DTWD2: variants seen among roughly 807,000 people sequenced by gnomAD.
The protein encoded by DTWD2 is tRNA-uridine aminocarboxypropyltransferase 2.
In DTWD2, 39 loss-of-function variants were observed where a neutral mutation model predicts 31.8. The observed-to-expected ratio is 1.22, with a 90% CI of 0.95 to 1.60. The LOEUF is 1.60. DTWD2 is among the 40% of genes most tolerant of loss of function. DTWD2 has a pLI of 0.00. For synonymous variants in DTWD2, 180 were observed against 142.8 expected, an observed-to-expected ratio of 1.26 and a Z score of -1.86; for missense variants, 515 against 381.5, an observed-to-expected ratio of 1.35 and a Z score of -2.92.
chr5:118,977,017 G>A (rs997206272), intron 1 of DTWD2, among the ~76,000 whole-genome samples: 30 of 152,314 alleles, frequency 2.0e-4, no homozygotes, highest in African/African-American at 7.0e-4. Context: ...TACCTGGGAT[G>A]CAAGGCTGGT....
chr5:118,946,678 A>G (rs1362188352), intron 1 of DTWD2, among the ~76,000 whole-genome samples: 1 of 152,038 alleles, frequency 6.6e-6, no homozygotes, highest in Admixed American at 6.5e-5. Context: ...TTTTTTTAAT[A>G]AATCTATTCA....
chr5:118,859,143 G>A (rs997554166), intron 4 of DTWD2, among the ~76,000 whole-genome samples: 11 of 151,526 alleles, frequency 7.3e-5, no homozygotes, highest in African/African-American at 2.7e-4. Context: ...TTCAGCGGAG[G>A]ATTGCATGAC....
At position 118,951,608 on chromosome 5, in the gene DTWD2, C is replaced by G. The variant is rs1561468634; in HGVS notation, c.219-6959G>C. 2.0e-5 allele frequency among the ~76,000 whole-genome samples: 3 copies of G among 152,206 alleles called. No homozygotes were observed. In the East Asian group the frequency reaches 5.8e-4, roughly 29 times the overall value. On this transcript the variant is annotated intron_variant, in intron 1 of 5. Transcript: ENST00000510708. ...TTTGTATTGGGGTCAAGCGGTGTTG[C>G]AGAAGAAAATAAGGCATTTAGGTTT...
chr5:118,909,526 C>G (rs558277926), intron 4 of DTWD2, among the ~76,000 whole-genome samples: 51 of 152,286 alleles, frequency 3.3e-4, no homozygotes, highest in African/African-American at 1.2e-3. Flanking sequence ...CATGGGCAAC[C>G]CAGCCCTGGG....
intron 1 of DTWD2, among the ~76,000 whole-genome samples, chr5:118,982,200 T>C (rs186466748): frequency 5.3e-5 from 8 of 152,340 alleles, no homozygotes; most frequent in Admixed American, 3.3e-4. Context: ...TAAGCACTAA[T>C]AGAAACTATG....
At chr5:118,919,936 G>A (rs1355946959) in intron 4 of DTWD2, among the ~76,000 whole-genome samples, 1 of 151,960 alleles carries the variant, frequency 6.6e-6, no homozygotes, top group Non-Finnish European at 1.5e-5. Flanking sequence ...TGAAACAGTA[G>A]TAGAAAACTA....
chr5:118,882,335 T>C (rs1473758390), intron 4 of DTWD2, among the ~76,000 whole-genome samples: 2 of 152,250 alleles, frequency 1.3e-5, no homozygotes, highest in East Asian at 1.9e-4. Flanking sequence ...GCACAGTCCC[T>C]ACGGCTGCTT....
intron 4 of DTWD2, among the ~76,000 whole-genome samples, chr5:118,899,230 T>C (rs1274676537): frequency 6.6e-6 from 1 of 152,216 alleles, no homozygotes; most frequent in African/African-American, 2.4e-5. Context: ...ATGTGTCTCA[T>C]GAAGAAAACA....
At chr5:118,841,756 G>A (rs1340013738) in intron 5 of DTWD2, among the ~76,000 whole-genome samples, 1 of 151,584 alleles carries the variant, frequency 6.6e-6, no homozygotes, top group Non-Finnish European at 1.5e-5. Context: ...CGCTCTACCT[G>A]AAGTTATTCA....
chr5:118,969,501 C>G (rs1754933269), intron 1 of DTWD2, among the ~76,000 whole-genome samples: 1 of 152,186 alleles, frequency 6.6e-6, no homozygotes, highest in African/African-American at 2.4e-5. Context: ...TGCTGTTTTG[C>G]AGCCTTCACC....
intron 1 of DTWD2, among the ~76,000 whole-genome samples, chr5:118,977,927 G>T (rs1035872448): frequency 4.6e-5 from 7 of 152,130 alleles, no homozygotes; most frequent in African/African-American, 1.7e-4. Flanking sequence ...TACCTGAGAG[G>T]CATTACACTA....
intron 1 of DTWD2, among the ~76,000 whole-genome samples, chr5:118,971,330 C>CA (rs1308215505): frequency 6.6e-6 from 1 of 152,166 alleles, no homozygotes; most frequent in East Asian, 1.9e-4. Context: ...GCAGGGGTCA[C>CA]AATTCTAGTT....
chr5:118,939,159 A>G (rs1165519515), intron 3 of DTWD2, 37 bp downstream of exon 3: 2 of 1,569,058 alleles, frequency 1.3e-6, no homozygotes, highest in Non-Finnish European at 8.7e-7. Flanking sequence ...ATCTGTGTAG[A>G]AAAGAATTAT....
intron 1 of DTWD2, among the ~76,000 whole-genome samples, chr5:118,985,254 T>C (rs868409565): frequency 3.3e-5 from 5 of 152,062 alleles, no homozygotes; most frequent in African/African-American, 1.2e-4. Flanking sequence ...AGCCAGTCTC[T>C]TCCCTAATTA....
At chr5:118,936,492 T>C (rs1173119355) in intron 3 of DTWD2, among the ~76,000 whole-genome samples, 8 of 151,836 alleles carry the variant, frequency 5.3e-5, no homozygotes, top group Non-Finnish European at 2.9e-5. Flanking sequence ...GAAAAATTTA[T>C]AGATTTACAG....
chr5:118,861,908 G>A (rs930174324), intron 4 of DTWD2, among the ~76,000 whole-genome samples: 6 of 152,200 alleles, frequency 3.9e-5, no homozygotes, highest in African/African-American at 1.4e-4. Flanking sequence ...AAATCACAGG[G>A]ATATGGAGAA....
chr5:118,870,557 C>CA (rs1752479151), intron 4 of DTWD2, among the ~76,000 whole-genome samples: 1 of 151,950 alleles, frequency 6.6e-6, no homozygotes, highest in South Asian at 2.1e-4. Flanking sequence ...AGCATTTTGT[C>CA]AAAAAAATGA....
intron 4 of DTWD2, among the ~76,000 whole-genome samples, chr5:118,913,622 T>C (rs1054561478): frequency 6.6e-6 from 1 of 152,122 alleles, no homozygotes; most frequent in Admixed American, 6.5e-5. Context: ...AATGAAATCT[T>C]TGTATCTTCC....
intron 4 of DTWD2, among the ~76,000 whole-genome samples, chr5:118,848,591 G>A (rs574598017): frequency 6.6e-6 from 1 of 152,178 alleles, no homozygotes; most frequent in African/African-American, 2.4e-5. Flanking sequence ...CAACAGAGTA[G>A]CTAAAATAAA....
Sources: gnomAD v4.1 joint callset for allele counts (sites outside exome capture counted in the v4.1 genomes callset) on GRCh38, gnomAD v4.1.1 for gene constraint, MANE v1.5 for transcripts, NCBI Gene and HGNC (gene_info 2026-07-23, HGNC 2026-07-21) for gene names.